The following PLCB4 variants were observed in gnomAD, a reference collection of about 807,000 sequenced individuals.
PLCB4 encodes the protein phospholipase C beta 4.
A neutral mutation model predicts 178.8 loss-of-function variants in PLCB4; 77 were observed. The observed-to-expected ratio is 0.43, with a 90% CI of 0.36 to 0.52. The LOEUF is 0.52. PLCB4 is among the 20% of genes least tolerant of loss of function. The probability of loss-of-function intolerance (pLI) is 0.00; values close to 1 mark genes in which losing one functional copy is unlikely to be tolerated. For missense variants in PLCB4, 1,024 were observed against 1,453.4 expected, an observed-to-expected ratio of 0.70 and a Z score of 4.80; for synonymous variants, 496 against 490.8, an observed-to-expected ratio of 1.01 and a Z score of -0.14.
chr20:9,452,214 A>G (rs1011775376), intron 32 of PLCB4, among the ~76,000 whole-genome samples: 1 of 152,224 alleles, frequency 6.6e-6, no homozygotes, highest in Non-Finnish European at 1.5e-5. Flanking sequence ...GAAATTAAGG[A>G]AGTCTTGGTA....
intron 27 of PLCB4, among the ~76,000 whole-genome samples, chr20:9,423,507 A>T (rs1381395362): frequency 6.6e-6 from 1 of 152,222 alleles, no homozygotes; most frequent in African/African-American, 2.4e-5. Context: ...AATCTTTAAC[A>T]TTCATTTCAT....
chr20:9,148,978 G>A (rs1462933899), intron 2 of PLCB4, among the ~76,000 whole-genome samples: 1 of 152,162 alleles, frequency 6.6e-6, no homozygotes, highest in East Asian at 1.9e-4. Flanking sequence ...TGGGCCACTT[G>A]GCTTTAGACA....
intron 2 of PLCB4, among the ~76,000 whole-genome samples, chr20:9,160,969 G>A (rs1020647861): frequency 1.3e-5 from 2 of 152,298 alleles, no homozygotes; most frequent in Admixed American, 6.5e-5. Flanking sequence ...AGCAGAAAGC[G>A]AGCCAGAGTT....
intron 2 of PLCB4, among the ~76,000 whole-genome samples, chr20:9,182,751 T>C (rs2093268251): frequency 6.6e-6 from 1 of 152,216 alleles, no homozygotes; most frequent in East Asian, 1.9e-4. Context: ...CTTGGCCCTC[T>C]GCCGACAGGC....
At chr20:9,422,966 G>A (rs2040747605) in intron 27 of PLCB4, among the ~76,000 whole-genome samples, 1 of 152,194 alleles carries the variant, frequency 6.6e-6, no homozygotes, top group Non-Finnish European at 1.5e-5. Flanking sequence ...TGTCCTGGTT[G>A]CTTTTAGCCA....
chr20:9,433,929 A>G (rs1484292907), intron 28 of PLCB4, among the ~76,000 whole-genome samples: 1 of 152,204 alleles, frequency 6.6e-6, no homozygotes, highest in African/African-American at 2.4e-5. Context: ...TTTGGCAATA[A>G]CTACCATAGG....
At chr20:9,327,693 G>A (rs548218095) in intron 4 of PLCB4, among the ~76,000 whole-genome samples, 9 of 151,920 alleles carry the variant, frequency 5.9e-5, no homozygotes, top group Admixed American at 2.6e-4. Context: ...GGAGTATGGC[G>A]TGAACCCAGA....
chr20:9,426,735 A>G (rs111728734), intron 28 of PLCB4, among the ~76,000 whole-genome samples: 2 of 151,144 alleles, frequency 1.3e-5, no homozygotes, highest in Non-Finnish European at 3.0e-5. Context: ...TGGAATTCTA[A>G]TTTTTTTTTA....
chr20:9,227,386 T>TA (rs2093880253), intron 3 of PLCB4, among the ~76,000 whole-genome samples: 1 of 152,174 alleles, frequency 6.6e-6, no homozygotes. Flanking sequence ...TTTGTTGTTA[T>TA]ATTTAAGAAT....
chr20:9,437,255 G>T, intron 30 of PLCB4, 103 bp downstream of exon 30: 1 of 1,058,662 alleles, frequency 9.4e-7, no homozygotes, highest in Non-Finnish European at 1.3e-6. Flanking sequence ...AGTTCTTTGT[G>T]GGAAAGAACC....
intron 3 of PLCB4, among the ~76,000 whole-genome samples, chr20:9,232,804 A>G (rs1159609314): frequency 1.3e-5 from 2 of 152,134 alleles, no homozygotes; most frequent in African/African-American, 4.8e-5. Context: ...GAAGAGACAA[A>G]AGTAAATAAG....
chr20:9,373,450 T>C (rs995366272), intron 12 of PLCB4, among the ~76,000 whole-genome samples: 1 of 152,224 alleles, frequency 6.6e-6, no homozygotes, highest in Non-Finnish European at 1.5e-5. Flanking sequence ...TCTCATTAAA[T>C]AGAAAGAGAA....
At chr20:9,129,109 T>C (rs1197951336) in intron 2 of PLCB4, among the ~76,000 whole-genome samples, 1 of 152,186 alleles carries the variant, frequency 6.6e-6, no homozygotes, top group Non-Finnish European at 1.5e-5. Flanking sequence ...TTTTGGCTAT[T>C]GTGAATAATG....
At chr20:9,463,744 T>C (rs938511659) in intron 35 of PLCB4, among the ~76,000 whole-genome samples, 2 of 152,050 alleles carry the variant, frequency 1.3e-5, no homozygotes, top group African/African-American at 4.8e-5. Context: ...CCTAAATATA[T>C]ATGCACCCAA....
intron 37 of PLCB4, among the ~76,000 whole-genome samples, 193 bp downstream of exon 37, chr20:9,473,040 A>C (rs1344919114): frequency 6.6e-6 from 1 of 152,190 alleles, no homozygotes; most frequent in African/African-American, 2.4e-5. Context: ...GCACCATTTT[A>C]TACAGAAAAT....
At chr20:9,448,172 C>T (rs1239586690) in intron 32 of PLCB4, among the ~76,000 whole-genome samples, 1 of 152,128 alleles carries the variant, frequency 6.6e-6, no homozygotes, top group Non-Finnish European at 1.5e-5. Flanking sequence ...CCACTAATCG[C>T]CTGCAAAGAC....
At chr20:9,110,200 T>C (rs930505366) in intron 2 of PLCB4, among the ~76,000 whole-genome samples, 4 of 149,492 alleles carry the variant, frequency 2.7e-5, no homozygotes, top group African/African-American at 9.8e-5. Context: ...TCTGGAATTG[T>C]TTTTTTTTTA....
intron 2 of PLCB4, among the ~76,000 whole-genome samples, chr20:9,189,977 C>G (rs1004955074): frequency 6.6e-6 from 1 of 152,192 alleles, no homozygotes; most frequent in African/African-American, 2.4e-5. Context: ...CCCCCACCCC[C>G]GAGGTGTGAC....
At chr20:9,093,657 G>T (rs2064844) in intron 1 of PLCB4, among the ~76,000 whole-genome samples, 132,835 of 151,466 alleles carry the variant, frequency 0.88, 58,655 homozygotes, top group East Asian at 1. Flanking sequence ...AGGTTCTTCT[G>T]GCACCTGGTT....
Sources: gnomAD v4.1 joint callset for allele counts (sites outside exome capture counted in the v4.1 genomes callset) on GRCh38, gnomAD v4.1.1 for gene constraint, MANE v1.5 for transcripts, NCBI Gene and HGNC (gene_info 2026-07-23, HGNC 2026-07-21) for gene names.